DPYD: variants seen among roughly 807,000 people sequenced by gnomAD.
DPYD encodes the protein dihydropyrimidine dehydrogenase [NADP(+)].
DPYD carries 109 observed loss-of-function variants against 116.2 expected under a neutral mutation model. The observed-to-expected ratio is 0.94, with a 90% confidence interval of 0.80 to 1.10. The LOEUF is 1.10. Ranked by LOEUF, DPYD falls within the 50% of genes least tolerant of loss-of-function variation. The pLI is 0.00. For missense variants in DPYD, 1,302 were observed against 1,254.5 expected, an observed-to-expected ratio of 1.04 and a Z score of -0.57; for synonymous variants, 440 against 432.0, an observed-to-expected ratio of 1.02 and a Z score of -0.23.
At chr1:97,498,060 C>T (rs1195256578) in intron 13 of DPYD, among the ~76,000 whole-genome samples, 1 of 151,668 alleles carries the variant, frequency 6.6e-6, no homozygotes, top group African/African-American at 2.4e-5. Context: ...AGAAACCAGA[C>T]ATTAAAGTCA....
intron 18 of DPYD, among the ~76,000 whole-genome samples, chr1:97,276,043 T>C (rs908663612): frequency 1.3e-5 from 2 of 152,178 alleles, no homozygotes; most frequent in Admixed American, 1.3e-4. Flanking sequence ...GTTTATGGCA[T>C]GAAGGTTCAA....
At chr1:97,536,110 C>T (rs572654374) in intron 12 of DPYD, among the ~76,000 whole-genome samples, 1 of 152,162 alleles carries the variant, frequency 6.6e-6, no homozygotes, top group African/African-American at 2.4e-5. Flanking sequence ...AGATCACATA[C>T]ATTTCTGGTA....
intron 11 of DPYD, among the ~76,000 whole-genome samples, chr1:97,560,680 A>G (rs1652082667): frequency 6.6e-6 from 1 of 152,208 alleles, no homozygotes; most frequent in Non-Finnish European, 1.5e-5. Flanking sequence ...GGCAGAAGAT[A>G]AAAAATGAAA....
intron 20 of DPYD, among the ~76,000 whole-genome samples, chr1:97,176,231 C>A (rs1028449221): frequency 1.3e-5 from 2 of 152,190 alleles, no homozygotes; most frequent in African/African-American, 4.8e-5. Flanking sequence ...AAGTGCTTAA[C>A]CTCCCACAAG....
At chr1:97,590,178 A>C (rs1308536872) in intron 10 of DPYD, among the ~76,000 whole-genome samples, 1 of 152,184 alleles carries the variant, frequency 6.6e-6, no homozygotes, top group Non-Finnish European at 1.5e-5. Context: ...TATGAATGCC[A>C]AAAGTTCCCA....
At chr1:97,487,530 G>A (rs573011851) in intron 13 of DPYD, among the ~76,000 whole-genome samples, 25 of 152,098 alleles carry the variant, frequency 1.6e-4, no homozygotes, top group African/African-American at 4.6e-4. Flanking sequence ...AAAATTAGCC[G>A]GGTGTGGTGG....
At chr1:97,342,308 GAAC>G (rs1669628174) in intron 16 of DPYD, among the ~76,000 whole-genome samples, 1 of 152,034 alleles carries the variant, frequency 6.6e-6, no homozygotes, top group Non-Finnish European at 1.5e-5. Context: ...CTACTTCGAA[GAAC>G]AACTAATTTA....
chr1:97,132,761 C>T (rs1653434073), intron 20 of DPYD, among the ~76,000 whole-genome samples: 1 of 151,882 alleles, frequency 6.6e-6, no homozygotes, highest in Admixed American at 6.6e-5. Context: ...TATATTGCTC[C>T]CAAGTTTTTA....
intron 13 of DPYD, among the ~76,000 whole-genome samples, chr1:97,457,102 G>A (rs181330715): frequency 5.3e-5 from 8 of 152,148 alleles, no homozygotes; most frequent in East Asian, 3.9e-4. Context: ...GGAAGACAGT[G>A]GAAGAAGTAG....
chr1:97,128,257 C>T (rs1653002109), intron 20 of DPYD, among the ~76,000 whole-genome samples: 1 of 152,158 alleles, frequency 6.6e-6, no homozygotes, highest in Non-Finnish European at 1.5e-5. Flanking sequence ...TAGGCTATTA[C>T]AGAAACATAC....
intron 16 of DPYD, among the ~76,000 whole-genome samples, chr1:97,323,293 TGTG>T: frequency 6.7e-6 from 1 of 149,066 alleles, no homozygotes; most frequent in African/African-American, 2.5e-5. Flanking sequence ...TATATACATA[TGTG>T]TATATGTACA....
chr1:97,817,357 T>C (rs545760286), intron 3 of DPYD, among the ~76,000 whole-genome samples: 7 of 152,096 alleles, frequency 4.6e-5, no homozygotes, highest in Non-Finnish European at 8.8e-5. Context: ...ATACCTTCAA[T>C]GGAAGGTATT....
chr1:97,078,165 T>C lies in DPYD; in HGVS notation c.*811A>G, dbSNP rs1277245808. The C allele has an allele frequency of 6.6e-6, 1 of 152,180 alleles. No homozygotes were observed. Among genetic ancestry groups the C allele is most frequent in the Non-Finnish European group, 1.5e-5 (1 of 68,054 alleles). The allele number at this position is 152,180 out of a possible 1,614,324, so 9.4% of individuals were successfully genotyped here. On this transcript the variant is annotated 3_prime_UTR_variant, in exon 23 of 23. Transcript: ENST00000370192. ...GTTCAAACATTAGTTGCTATAATCA[T>C]GAAGGTGACTATTAAAACCAGTCAG...
At chr1:97,895,888 T>A (rs1385629338) in intron 1 of DPYD, among the ~76,000 whole-genome samples, 1 of 151,802 alleles carries the variant, frequency 6.6e-6, no homozygotes, top group Non-Finnish European at 1.5e-5. Flanking sequence ...TGGAGTCACA[T>A]CAAGATATCC....
intron 2 of DPYD, among the ~76,000 whole-genome samples, chr1:97,829,773 CT>C (rs1010672311): frequency 6.6e-6 from 1 of 151,008 alleles, no homozygotes; most frequent in African/African-American, 2.4e-5. Flanking sequence ...TTTAATTATA[CT>C]TTAAGTTCTA....
intron 13 of DPYD, among the ~76,000 whole-genome samples, chr1:97,503,502 T>C (rs1679712013): frequency 6.6e-6 from 1 of 152,002 alleles, no homozygotes; most frequent in Non-Finnish European, 1.5e-5. Context: ...GGCCCCTTCC[T>C]GAGAGACATG....
intron 12 of DPYD, among the ~76,000 whole-genome samples, chr1:97,542,795 GAATT>G (rs71731258): frequency 0.052 from 7,859 of 152,064 alleles, 674 homozygotes; most frequent in African/African-American, 0.18. Context: ...TTGAATGAAT[GAATT>G]AATTAATGCA....
rs184376913 is a variant in DPYD at position 97,293,157 on chromosome 1, T to C, written c.2299+12102A>G. Among the ~76,000 whole-genome samples, 787 of 152,334 alleles carry C rather than the reference T, an allele frequency of 5.2e-3. 5 individuals carry two copies. Among genetic ancestry groups the C allele is most frequent in the Non-Finnish European group, 8.5e-3 (580 of 68,034 alleles). On this transcript the variant is annotated intron_variant, in intron 18 of 22. Transcript: ENST00000370192. The stretch of plus-strand genomic sequence containing the variant: ...CCACTTACAGTGTAATTGTGACCTG[T>C]CATTACTGTGAATTTTTTTAAAACA...
chr1:97,558,974 A>G (rs1221468050), intron 11 of DPYD, among the ~76,000 whole-genome samples: 2 of 152,162 alleles, frequency 1.3e-5, no homozygotes, highest in African/African-American at 4.8e-5. Flanking sequence ...CAAATGCTGT[A>G]CTTTGATTTG....
Sources: allele counts gnomAD v4.1 joint callset (sites outside exome capture counted in the v4.1 genomes callset), GRCh38; gene constraint gnomAD v4.1.1; transcripts MANE v1.5; gene names NCBI Gene and HGNC (gene_info 2026-07-23, HGNC 2026-07-21).